The following LRCH1 variants were observed in gnomAD, a reference collection of about 807,000 sequenced individuals.
LRCH1 encodes the protein leucine-rich repeat and calponin homology domain-containing protein 1.
LRCH1 carries 23 observed loss-of-function variants against 94.9 expected under a neutral mutation model. The observed-to-expected ratio is 0.24, with a 90% CI of 0.17 to 0.34. LRCH1 has a LOEUF of 0.34. Ranked by LOEUF, LRCH1 falls within the 10% of genes least tolerant of loss-of-function variation. LRCH1 has a pLI of 1.00. For missense variants in LRCH1, 790 were observed against 945.9 expected, an observed-to-expected ratio of 0.84 and a Z score of 2.16; for synonymous variants, 364 against 354.9, an observed-to-expected ratio of 1.03 and a Z score of -0.29.
rs2050881672 is a variant in LRCH1, at chr13:46,621,692, G to A, written c.308-28509G>A. 2.6e-5 allele frequency among the ~76,000 whole-genome samples: 4 copies of A among 152,306 alleles called. No individual in the cohort carries two copies. In the South Asian group the frequency reaches 8.3e-4, roughly 32 times the overall value. On this transcript the variant is annotated intron_variant, in intron 1 of 19. Transcript: ENST00000389797. ...AGACTTTTACAGCGTTTGCAACTGA[G>A]TAAATTTCACTTTGTAATACCCTGG...
intron 1 of LRCH1, among the ~76,000 whole-genome samples, chr13:46,571,811 A>G (rs747640860): frequency 6.6e-6 from 1 of 152,162 alleles, no homozygotes; most frequent in African/African-American, 2.4e-5. Context: ...GAGAGTAATA[A>G]CACTTATGGG....
intron 1 of LRCH1, among the ~76,000 whole-genome samples, chr13:46,635,467 C>CTT (rs35362550): frequency 0.55 from 52,920 of 96,566 alleles, 15,602 homozygotes; most frequent in South Asian, 0.63. Context: ...CCCCTCCCAC[C>CTT]TTTTTTTTTT....
chr13:46,588,019 A>G (rs1448040120), intron 1 of LRCH1, among the ~76,000 whole-genome samples: 1 of 152,166 alleles, frequency 6.6e-6, no homozygotes, highest in African/African-American at 2.4e-5. Flanking sequence ...TATGAGAAAA[A>G]TCAGAGGAAT....
chr13:46,736,083 C>T (rs1325835004), intron 19 of LRCH1, among the ~76,000 whole-genome samples: 2 of 151,178 alleles, frequency 1.3e-5, no homozygotes, highest in Middle Eastern at 3.4e-3. Context: ...AGGCATGGGC[C>T]ACTGTGCCTG....
At chr13:46,751,594 T>C (rs1189877532) in exon 19 of LRCH1, 1 of 152,234 alleles carries the variant, frequency 6.6e-6, no homozygotes, top group African/African-American at 2.4e-5. Context: ...CTTCTTTTGC[T>C]ATGCACAAAA....
rs138077733 is a variant in LRCH1 at position 46,584,639 on chromosome 13, G to A, written c.307+30936G>A. Among the ~76,000 whole-genome samples, 8 of 152,322 alleles carry A rather than the reference G, an allele frequency of 5.3e-5. No individual in the cohort carries two copies. The East Asian group carries it at 9.6e-4, about 18-fold the overall frequency. On this transcript the variant is annotated intron_variant, in intron 1 of 19. Coordinates refer to ENST00000389797, the MANE Select transcript of LRCH1 (RefSeq NM_001164211.2). ...GAGCCTGTGATGGTCTCTACACTCC[G>A]TGTTTTTCTTCTTAGGCTCTTTATC...
intron 1 of LRCH1, among the ~76,000 whole-genome samples, chr13:46,643,584 T>G (rs951466523): frequency 1.3e-5 from 2 of 152,216 alleles, no homozygotes; most frequent in African/African-American, 4.8e-5. Flanking sequence ...AACATCTTGA[T>G]CCACACTCAC....
intron 1 of LRCH1, among the ~76,000 whole-genome samples, chr13:46,567,878 A>AT (rs2050201837): frequency 6.6e-6 from 1 of 152,184 alleles, no homozygotes; most frequent in South Asian, 2.1e-4. Context: ...ATGCGTCCTG[A>AT]TAGAGCCCCT....
chr13:46,714,409 A>G (rs1280281033), intron 15 of LRCH1, among the ~76,000 whole-genome samples: 1 of 152,214 alleles, frequency 6.6e-6, no homozygotes, highest in South Asian at 2.1e-4. Context: ...GGAAAGTAAT[A>G]TATACAGTAA....
chr13:46,606,305 T>A (rs1241115826), intron 1 of LRCH1, among the ~76,000 whole-genome samples: 1 of 152,204 alleles, frequency 6.6e-6, no homozygotes, highest in Admixed American at 6.5e-5. Flanking sequence ...GTGGTTTTAA[T>A]TCATGGGTGC....
At chr13:46,656,212 T>C (rs916751076) in intron 2 of LRCH1, among the ~76,000 whole-genome samples, 3 of 152,240 alleles carry the variant, frequency 2.0e-5, no homozygotes, top group African/African-American at 7.2e-5. Flanking sequence ...GACTTTATAC[T>C]TTTTTTGTTG....
At chr13:46,597,815 T>TTA (rs1555271457) in intron 1 of LRCH1, among the ~76,000 whole-genome samples, 10 of 151,464 alleles carry the variant, frequency 6.6e-5, no homozygotes, top group South Asian at 2.1e-4. Context: ...ATTTTTTTTT[T>TTA]AAAAAACAGA....
intron 15 of LRCH1, among the ~76,000 whole-genome samples, chr13:46,713,383 G>A (rs2138202127): frequency 6.6e-6 from 1 of 152,284 alleles, no homozygotes; most frequent in African/African-American, 2.4e-5. Flanking sequence ...AATAAGAACT[G>A]GTAGAGAACT....
intron 1 of LRCH1, among the ~76,000 whole-genome samples, chr13:46,607,647 C>CTTT (rs77449538): frequency 7.0e-6 from 1 of 141,988 alleles, no homozygotes; most frequent in Non-Finnish European, 1.5e-5. Flanking sequence ...CCTTCTTCTT[C>CTTT]TTTTTTTTTT....
rs144924799 is a variant in LRCH1 at position 46,653,330 on chromosome 13, A to AT, written c.452+2986dup. On this transcript the variant is annotated intron_variant, in intron 2 of 19. Coordinates refer to ENST00000389797, the MANE Select transcript of LRCH1 (RefSeq NM_001164211.2). Reference sequence around the variant, plus strand: ...TACCATGTTTGAGACCTATTCTCCCATACTGAATCATGTGCTCTTTGAAGG... The same window carrying AT: ...TACCATGTTTGAGACCTATTCTCCCATTACTGAATCATGTGCTCTTTGAAGG... 6.1e-3 allele frequency among the ~76,000 whole-genome samples: 936 copies of AT among 152,276 alleles called. 6 individuals carry two copies. The highest frequency in any genetic ancestry group is 0.021 in the African/African-American group (892 of 41,552).
Position 46,698,365 on chromosome 13 carries a change from A to G in LRCH1, c.1246-971A>G, listed in dbSNP as rs558788045. On this transcript the variant is annotated intron_variant, in intron 9 of 19. Coordinates refer to ENST00000389797, the MANE Select transcript of LRCH1 (RefSeq NM_001164211.2). ...AAAGCAGCGTTTCTCTGTGTCAGAG[A>G]TGAACGTGCAAGGAGGCCTGTGGAA... is the stretch of plus-strand genomic sequence containing the variant. Among the ~76,000 whole-genome samples the G allele has an allele frequency of 2.0e-5, 3 of 152,310 alleles. No homozygotes were observed. The East Asian group carries it at 5.8e-4, about 29-fold the overall frequency.
At chr13:46,635,706 C>T (rs1020154883) in intron 1 of LRCH1, among the ~76,000 whole-genome samples, 1 of 151,932 alleles carries the variant, frequency 6.6e-6, no homozygotes, top group Non-Finnish European at 1.5e-5. Context: ...CTCCTGACCT[C>T]GTGATCCACC....
rs371479937 is a variant in LRCH1 at position 46,686,034 on chromosome 13, C to T, written c.815C>T (p.Pro272Leu). The T allele has an allele frequency of 6.3e-7, 1 of 1,593,456 alleles. No homozygotes were observed. Among genetic ancestry groups the T allele is most frequent in the Non-Finnish European group, 8.5e-7 (1 of 1,172,052 alleles). Residue 272 changes from proline to leucine, a missense_variant, in exon 5 of 20, where the codon CCA becomes CTA. Coordinates refer to ENST00000389797, the MANE Select transcript of LRCH1 (RefSeq NM_001164211.2). ...LLENNPLQSP[P>L]AQICTKGKVH... ...GAGAATAACCCTCTGCAGTCTCCTC[C>T]AGCACAGGTGAGGGGTCTTGCAGCA...
Position 46,553,237 on chromosome 13 carries a change from C to CCCCCCCAACAAA in LRCH1, c.-155_-154insCAACAAACCCCC. ...GCTGCCACGGCCGCCTCCCCGCCCGCCCCCCATTCTACGCGCCTGCCCACA... is the reference window on the plus strand; with the variant it reads ...GCTGCCACGGCCGCCTCCCCGCCCGCCCCCCCAACAAACCCCCATTCTACGCGCCTGCCCACA... On this transcript the variant is annotated 5_prime_UTR_variant, in exon 1 of 20. Coordinates refer to ENST00000389797, the MANE Select transcript of LRCH1 (RefSeq NM_001164211.2). 1 of 561,112 alleles carries CCCCCCCAACAAA rather than the reference C, an allele frequency of 1.8e-6. No homozygotes were observed. The allele number at this position is 561,112 out of a possible 1,614,324, so 34.8% of individuals were successfully genotyped here.
Sources: allele counts gnomAD v4.1 joint callset (sites outside exome capture counted in the v4.1 genomes callset), GRCh38; gene constraint gnomAD v4.1.1; transcripts MANE v1.5; gene names NCBI Gene and HGNC (gene_info 2026-07-23, HGNC 2026-07-21).